The following FABP4 variants were observed in gnomAD, a reference collection of about 807,000 sequenced individuals.
FABP4 encodes fatty acid-binding protein, adipocyte.
FABP4 carries 17 observed loss-of-function variants against 14.6 expected under a neutral mutation model. The observed-to-expected ratio is 1.16, with a 90% CI of 0.80 to 1.74. The LOEUF (loss-of-function observed/expected upper bound fraction) is 1.74, where lower values mean the gene tolerates loss of function less well. FABP4 is among the 40% of genes most tolerant of loss of function. The pLI, the probability that FABP4 is intolerant of heterozygous loss-of-function variation, is 0.00. For missense variants in FABP4, 149 were observed against 160.3 expected, an observed-to-expected ratio of 0.93 and a Z score of 0.38; for synonymous variants, 54 against 54.6, an observed-to-expected ratio of 0.99 and a Z score of 0.05.
Position 81,483,232 on chromosome 8 carries a change from G to T in FABP4, c.-65C>A. On this transcript the variant is annotated 5_prime_UTR_variant, in exon 1 of 4. Coordinates refer to ENST00000256104, the MANE Select transcript of FABP4 (RefSeq NM_001442.3). ...AAGCTGCAGTTTTCAGGAGGGTGCT[G>T]TGACCCTCTTGAGTCCAGATAACTT... is the stretch of plus-strand genomic sequence containing the variant. 2 of 1,274,358 alleles carry T rather than the reference G, an allele frequency of 1.6e-6. No individual in the cohort carries two copies. Among genetic ancestry groups the T allele is most frequent in the Non-Finnish European group, 1.1e-6 (1 of 899,608 alleles). 78.9% of individuals were successfully genotyped at this position (1,274,358 alleles called of 1,614,324 possible).
In FABP4 at chr8:81,482,836, C is replaced by T. The variant is rs143321258; in HGVS notation, c.73+259G>A. On this transcript the variant is annotated intron_variant, in intron 1 of 3. Coordinates refer to ENST00000256104, the MANE Select transcript of FABP4 (RefSeq NM_001442.3). ...TTTTTCAAATAAAGTCAAATCTTAT[C>T]ATTTCTAAAGACAATAAACATTCCA... Among the ~76,000 whole-genome samples, 194 of 152,222 alleles carry T rather than the reference C, an allele frequency of 1.3e-3. 1 individual carries two copies. The highest frequency in any genetic ancestry group is 4.3e-3 in the African/African-American group (179 of 41,554).
intron 3 of FABP4, 23 bp from the exon 4 acceptor site, chr8:81,478,938 G>A (rs1199021523): frequency 1.3e-6 from 2 of 1,598,300 alleles, no homozygotes; most frequent in Non-Finnish European, 1.7e-6. Context: ...AACAATTCTT[G>A]GTCAATCACT....
intron 1 of FABP4, among the ~76,000 whole-genome samples, chr8:81,482,117 A>C (rs1185246012): frequency 3.3e-5 from 5 of 152,020 alleles, no homozygotes; most frequent in African/African-American, 1.2e-4. Flanking sequence ...GAAGTCACCA[A>C]TTTCCCTATC....
intron 2 of FABP4, among the ~76,000 whole-genome samples, chr8:81,480,198 G>A (rs1157371659): frequency 2.6e-5 from 4 of 152,128 alleles, no homozygotes; most frequent in African/African-American, 4.8e-5. Context: ...GACAGAGTGA[G>A]AACATGTCTC....
chr8:81,481,937 C>A (rs1407661372), intron 1 of FABP4, among the ~76,000 whole-genome samples: 1 of 151,700 alleles, frequency 6.6e-6, no homozygotes, highest in South Asian at 2.1e-4. Context: ...TATAATCAGC[C>A]CTTTATAATT....
chr8:81,483,149 C>A lies in FABP4; in HGVS notation c.19G>T (p.Gly7Cys), dbSNP rs1808106057. The change falls in exon 1 of 4, where the codon GGT (glycine) becomes TGT (cysteine). Residue 7 changes from glycine (G) to cysteine (C), a missense_variant. By Grantham distance (159) the Gly-to-Cys change is radical (BLOSUM62 -3). Transcript: ENST00000256104. Reference protein sequence around the residue: MCDAFVGTWKLVSSENF... With the variant: MCDAFVCTWKLVSSENF... ...TCACTGGAGACAAGTTTCCAGGTAC[C>A]TACAAAAGCATCACACATTTTGTGA... 6.2e-7 allele frequency: 1 copy of A among 1,610,248 alleles called. No individual in the cohort carries two copies. The highest frequency in any genetic ancestry group is 1.3e-5 in the African/African-American group (1 of 74,822).
chr8:81,481,444 T>C (rs1251567076), intron 1 of FABP4, among the ~76,000 whole-genome samples: 2 of 152,214 alleles, frequency 1.3e-5, no homozygotes, highest in Non-Finnish European at 2.9e-5. Flanking sequence ...ATATATTTTC[T>C]TGTGCAAGGT....
rs756552932 is a variant in FABP4, at chr8:81,479,451, G to A, written c.311C>T (p.Thr104Ile). The A allele has an allele frequency of 1.1e-5, 18 of 1,613,238 alleles. No homozygotes were observed. The highest frequency in any genetic ancestry group is 1.5e-5 in the Non-Finnish European group (18 of 1,179,510). The change falls in exon 3 of 4, where the codon ACC becomes ATC. Residue 104 changes from threonine to isoleucine, a missense_variant. Transcript: ENST00000256104. ...HVQKWDGKST[T>I]IKRKREDDKL... ...ATCATCCTCTCGTTTTCTCTTTATG[G>A]TGGTTGATTTTCCATCCCATTTCTG... is the stretch of plus-strand genomic sequence containing the variant.
chr8:81,479,349 T>C lies in FABP4; in HGVS notation c.348+65A>G, dbSNP rs1160970621. The stretch of plus-strand genomic sequence containing the variant: ...CAAAAGGAAAATCTGTTTCCTTAAG[T>C]GGAATAGTGATCATGAGATAACCTA... On this transcript the variant is annotated intron_variant, in intron 3 of 3. Transcript: ENST00000256104. 8 of 1,254,292 alleles carry C rather than the reference T, an allele frequency of 6.4e-6. No individual in the cohort carries two copies. The East Asian group carries it at 1.6e-4, about 26-fold the overall frequency. 77.7% of individuals were successfully genotyped at this position (1,254,292 alleles called of 1,614,324 possible).
At position 81,478,803 on chromosome 8, in the gene FABP4, T is replaced by C. The variant is rs1808011993; in HGVS notation, c.*62A>G. ...AAAACAACAATATCTTTTTGAACAA[T>C]ATATCCCACAGAATGTTGTAGAGTT... On this transcript the variant is annotated 3_prime_UTR_variant, in exon 4 of 4. Transcript: ENST00000256104. 7.2e-7 allele frequency: 1 copy of C among 1,392,382 alleles called. No homozygotes were observed. The highest frequency in any genetic ancestry group is 1.4e-5 in the African/African-American group (1 of 69,750). The allele number at this position is 1,392,382 out of a possible 1,614,324, so 86.3% of individuals were successfully genotyped here. A position where few individuals can be genotyped will look rare whatever the true frequency, so the allele number is the denominator to read the frequency against.
intron 1 of FABP4, among the ~76,000 whole-genome samples, chr8:81,481,558 G>A (rs181224519): frequency 5.3e-5 from 8 of 152,242 alleles, no homozygotes; most frequent in Admixed American, 3.3e-4. Flanking sequence ...TTTTAAACAT[G>A]TGCATGTAAA....
At chr8:81,479,373 T>C (rs1808028483) in intron 3 of FABP4, 41 bp downstream of exon 3, 1 of 1,453,626 alleles carries the variant, frequency 6.9e-7, no homozygotes, top group Non-Finnish European at 9.7e-7. Context: ...TGAGATAACC[T>C]AGCAGTAAGA....
At chr8:81,482,964 G>A (rs1018197302) in intron 1 of FABP4, 131 bp downstream of exon 1, 5 of 596,772 alleles carry the variant, frequency 8.4e-6, no homozygotes, top group Admixed American at 6.9e-5. Flanking sequence ...TATGTGTGCA[G>A]CCTCTCTATA....
At chr8:81,480,142 G>A (rs565806814) in intron 2 of FABP4, among the ~76,000 whole-genome samples, 15 of 152,276 alleles carry the variant, frequency 9.9e-5, no homozygotes, top group African/African-American at 3.4e-4. Flanking sequence ...CCAGGAATTC[G>A]AGGCTGTAGT....
Position 81,480,549 on chromosome 8 carries a change from CAT to C in FABP4, c.121_122del (p.Met41AspfsTer12). On this transcript the variant is annotated frameshift_variant, in exon 2 of 4. Coordinates refer to ENST00000256104, the MANE Select transcript of FABP4 (RefSeq NM_001442.3). LOFTEE classifies it high-confidence loss of function. ...TCACATCCCCATTCACACTGATGAT[CAT>C]GTTAGGTTTGGCCATGCCAGCCACT... ...RKVAGMAKPN[M>X]IISVNGDVIT... The C allele has an allele frequency of 6.2e-7, 1 of 1,613,404 alleles. No individual in the cohort carries two copies. Among genetic ancestry groups the C allele is most frequent in the Non-Finnish European group, 8.5e-7 (1 of 1,179,648 alleles).
chr8:81,483,056 A>G (rs1808104895), intron 1 of FABP4, 39 bp downstream of exon 1: 2 of 1,518,932 alleles, frequency 1.3e-6, no homozygotes, highest in Non-Finnish European at 1.8e-6. Flanking sequence ...CCAAAAGAAA[A>G]TATTATAAAT....
chr8:81,479,475 T>G lies in FABP4; in HGVS notation c.287A>C (p.Gln96Pro). The change falls in exon 3 of 4, where the codon CAG (glutamine) becomes CCG (proline). Residue 96 changes from glutamine to proline, a missense_variant. Transcript: ENST00000256104. ...GGTGGTTGATTTTCCATCCCATTTC[T>G]GCACATGTACCAGGACACCCCCATC... is the stretch of plus-strand genomic sequence containing the variant. ...TLDGGVLVHV[Q>P]KWDGKSTTIK... is the part of the protein sequence containing the mutation. 6.2e-7 allele frequency: 1 copy of G among 1,613,452 alleles called. No individual in the cohort carries two copies. Among genetic ancestry groups the G allele is most frequent in the Non-Finnish European group, 8.5e-7 (1 of 1,179,522 alleles).
At chr8:81,480,918 AT>A (rs1808070207) in intron 1 of FABP4, among the ~76,000 whole-genome samples, 1 of 152,186 alleles carries the variant, frequency 6.6e-6, no homozygotes, top group African/African-American at 2.4e-5. Context: ...AAAAATATGT[AT>A]AAAGGTTAAG....
chr8:81,482,594 C>A (rs545072109), intron 1 of FABP4, among the ~76,000 whole-genome samples: 8 of 152,244 alleles, frequency 5.3e-5, no homozygotes, highest in African/African-American at 1.9e-4. Flanking sequence ...TATCATAAAA[C>A]AACCACATAT....
Sources: allele counts gnomAD v4.1 joint callset (sites outside exome capture counted in the v4.1 genomes callset), GRCh38; gene constraint gnomAD v4.1.1; transcripts MANE v1.5; gene names NCBI Gene and HGNC (gene_info 2026-07-23, HGNC 2026-07-21).